GBP5: variants seen among roughly 807,000 people sequenced by gnomAD.
GBP5 encodes the protein guanylate-binding protein 5.
GBP5 carries 48 observed loss-of-function variants against 58.2 expected under a neutral mutation model. That is an observed-to-expected ratio of 0.83 (90% CI 0.65 to 1.05). The LOEUF (loss-of-function observed/expected upper bound fraction) is 1.05, where lower values mean the gene tolerates loss of function less well. GBP5 is among the 50% of genes least tolerant of loss of function. GBP5 has a pLI of 0.00. For missense variants in GBP5, 714 were observed against 686.8 expected (o/e 1.04, Z -0.44); for synonymous variants, 248 against 251.8 (o/e 0.98, Z 0.14).
chr1:89,268,707 A>G (rs750686565), intron 4 of GBP5, 22 bp downstream of exon 4: 4 of 1,607,156 alleles, frequency 2.5e-6, no homozygotes, highest in Non-Finnish European at 3.4e-6. Context: ...TTAGGAGGTT[A>G]AAAAAAGGAA....
Position 89,257,578 on chromosome 1 carries a change from G to T in GBP5, c.*3126C>A, listed in dbSNP as rs936132942. 5.3e-5 allele frequency among the ~76,000 whole-genome samples: 8 copies of T among 152,122 alleles called. No individual in the cohort carries two copies. The highest frequency in any genetic ancestry group is 1.2e-4 in the Non-Finnish European group (8 of 68,012). On this transcript the variant is annotated 3_prime_UTR_variant, in exon 12 of 12. Coordinates refer to ENST00000370459, the MANE Select transcript of GBP5 (RefSeq NM_052942.5). ...CTTTAACAATAATAACTTTAATAATGATAACACTAACATACATTGATAATA... is the reference window on the plus strand; with the variant it reads ...CTTTAACAATAATAACTTTAATAATTATAACACTAACATACATTGATAATA...
At chr1:89,266,906 T>C (rs762128104) in intron 6 of GBP5, 51 bp downstream of exon 6, 1 of 1,322,242 alleles carries the variant, frequency 7.6e-7, no homozygotes, top group Non-Finnish European at 1.0e-6. Flanking sequence ...AAAGAGATAA[T>C]TTCTTAGATT....
intron 9 of GBP5, 148 bp downstream of exon 9, chr1:89,263,588 C>A: frequency 1.7e-6 from 1 of 587,586 alleles, no homozygotes; most frequent in Non-Finnish European, 3.0e-6. Context: ...ATTGTTTTTC[C>A]ATAAATGCTT....
Position 89,257,406 on chromosome 1 carries a change from A to C in GBP5, c.*3298T>G. Among the ~76,000 whole-genome samples the C allele has an allele frequency of 6.6e-6, 1 of 152,290 alleles. No individual in the cohort carries two copies. The highest frequency in any genetic ancestry group is 2.4e-5 in the African/African-American group (1 of 41,554). On this transcript the variant is annotated 3_prime_UTR_variant, in exon 12 of 12. Transcript: ENST00000370459. Reference sequence around the variant, plus strand: ...TCCCACAACACGTGGGCATTATGGGAGCCATAATTCAAGATGAGATTTGAG... The same window carrying C: ...TCCCACAACACGTGGGCATTATGGGCGCCATAATTCAAGATGAGATTTGAG...
rs993956336 is a variant in GBP5, at chr1:89,270,829, T to C, written c.-94A>G. On this transcript the variant is annotated 5_prime_UTR_variant, in exon 2 of 12. Transcript: ENST00000370459. ...GAATAATTTTTCCACTAGAAAGATA[T>C]GGGCACCTTGAAGTGATGATCTACA... is the stretch of plus-strand genomic sequence containing the variant. The C allele has an allele frequency of 8.5e-5, 13 of 152,338 alleles. No individual in the cohort carries two copies. The highest frequency in any genetic ancestry group is 1.2e-4 in the Non-Finnish European group (8 of 68,032). The allele number at this position is 152,338 out of a possible 1,614,324, so 9.4% of individuals were successfully genotyped here.
At position 89,266,574 on chromosome 1, in the gene GBP5, C is replaced by T. The variant is rs746947192; in HGVS notation, c.640G>A (p.Val214Ile). 17 of 1,612,162 alleles carry T rather than the reference C, an allele frequency of 1.1e-5. No individual in the cohort carries two copies. Among genetic ancestry groups the T allele is most frequent in the Admixed American group, 1.0e-4 (6 of 59,886 alleles). ...LRPKQGSDQR[V>I]QNFNLPRLCI... Reference sequence around the variant, plus strand: ...AGACGGGGCAAATTGAAATTTTGAACTCTTTGATCACTACCTGGAGAATAA... The same window carrying T: ...AGACGGGGCAAATTGAAATTTTGAATTCTTTGATCACTACCTGGAGAATAA... Residue 214 changes from valine to isoleucine, a missense_variant, in exon 7 of 12, where the codon GTT (valine) becomes ATT (isoleucine). Coordinates refer to ENST00000370459, the MANE Select transcript of GBP5 (RefSeq NM_052942.5).
Position 89,266,957 on chromosome 1 carries a change from C to T in GBP5, c.625G>A (p.Gly209Ser). 6.3e-7 allele frequency: 1 copy of T among 1,585,730 alleles called. No individual in the cohort carries two copies. Among genetic ancestry groups the T allele is most frequent in the Admixed American group, 1.9e-5 (1 of 52,248 alleles). The change falls in exon 6 of 12, where the codon GGT becomes AGT. Residue 209 changes from glycine (G) to serine (S), a missense_variant and splice_region_variant. Physicochemically the swap from Gly to Ser is moderately conservative, Grantham distance 56 (BLOSUM62 0). Transcript: ENST00000370459. ...YLENSLRPKQ[G>S]SDQRVQNFNL... ...TTTCTAAAACTGAAGTCCCTGTTAC[C>T]TTGCTTTGGCCTTAGGGAATTCTCC...
intron 11 of GBP5, among the ~76,000 whole-genome samples, chr1:89,261,076 C>T (rs920253103): frequency 7.2e-5 from 11 of 152,294 alleles, no homozygotes; most frequent in African/African-American, 2.6e-4. Context: ...TTAAACCACA[C>T]GATCTCCTTG....
At position 89,264,113 on chromosome 1, in the gene GBP5, A is replaced by T. The variant is rs373967958; in HGVS notation, c.1150-165T>A. Reference sequence around the variant, plus strand: ...AACCTGGAAAAATTCCAAGGATGATACTCTATAGAAAAATGACATTTACTT... The same window carrying T: ...AACCTGGAAAAATTCCAAGGATGATTCTCTATAGAAAAATGACATTTACTT... On this transcript the variant is annotated intron_variant, in intron 8 of 11. Transcript: ENST00000370459. Among the ~76,000 whole-genome samples, 201 of 152,170 alleles carry T rather than the reference A, an allele frequency of 1.3e-3. 1 individual carries two copies. Among genetic ancestry groups the T allele is most frequent in the African/African-American group, 4.7e-3 (197 of 41,492 alleles).
chr1:89,262,713 C>G lies in GBP5; in HGVS notation c.1435G>C (p.Ala479Pro), dbSNP rs1650057072. ...VSHAILQTDQ[A>P]LTETEKKKKE... is the part of the protein sequence containing the mutation. The stretch of plus-strand genomic sequence containing the variant: ...TTCTTTTTTTCCGTCTCTGTGAGAG[C>G]CTGGTCAGTCTGTAATATTGCATGA... Residue 479 changes from alanine (A) to proline (P), a missense_variant, in exon 10 of 12, where the codon GCT becomes CCT. Transcript: ENST00000370459. 2 of 1,607,908 alleles carry G rather than the reference C, an allele frequency of 1.2e-6. No homozygotes were observed. Among genetic ancestry groups the G allele is most frequent in the Non-Finnish European group, 1.7e-6 (2 of 1,176,472 alleles).
intron 11 of GBP5, chr1:89,261,930 C>T (rs1247432987): frequency 1.6e-5 from 6 of 379,432 alleles, no homozygotes; most frequent in South Asian, 1.5e-4. Flanking sequence ...TACTCTGTAT[C>T]GGGCACCATT....
chr1:89,263,639 C>T, intron 9 of GBP5, 97 bp downstream of exon 9: 2 of 763,522 alleles, frequency 2.6e-6, no homozygotes, highest in Non-Finnish European at 4.6e-6. Flanking sequence ...ACATAAACCT[C>T]ATCTGTGTGC....
intron 7 of GBP5, among the ~76,000 whole-genome samples, chr1:89,265,613 A>G (rs1005409751): frequency 5.3e-5 from 8 of 151,178 alleles, no homozygotes; most frequent in African/African-American, 1.9e-4. Flanking sequence ...CTGTAGTCCC[A>G]GCTACTCAGG....
At chr1:89,264,650 A>G in intron 8 of GBP5, 36 bp downstream of exon 8, 2 of 1,593,040 alleles carry the variant, frequency 1.3e-6, no homozygotes, top group East Asian at 4.5e-5. Flanking sequence ...TGCCTTCTTG[A>G]CCTTAATCCC....
chr1:89,266,618 CA>C (rs1305616676), intron 6 of GBP5, 30 bp from the exon 7 acceptor site: 1 of 1,582,252 alleles, frequency 6.3e-7, no homozygotes, highest in Non-Finnish European at 8.6e-7. Flanking sequence ...ATTTATTTAG[CA>C]TAGACTTTGC....
Position 89,264,053 on chromosome 1 carries a change from A to C in GBP5, c.1150-105T>G, listed in dbSNP as rs1650116570. The C allele has an allele frequency of 1.7e-5, 12 of 723,890 alleles. No homozygotes were observed. In the East Asian group the frequency reaches 3.1e-4, roughly 19 times the overall value. 44.8% of individuals were successfully genotyped at this position (723,890 alleles called of 1,614,324 possible). On this transcript the variant is annotated intron_variant, in intron 8 of 11. Transcript: ENST00000370459. ...TATTTTTTTCTACAAACTTAGAGCA[A>C]GACACATATAAGCAAGACTATATCC...
rs1650240120 is a variant in GBP5, at chr1:89,266,856, T to C, written c.625+101A>G. 5 of 699,974 alleles carry C rather than the reference T, an allele frequency of 7.1e-6. No homozygotes were observed. The East Asian group carries it at 1.3e-4, about 18-fold the overall frequency. 43.4% of individuals were successfully genotyped at this position (699,974 alleles called of 1,614,324 possible). ...ATTTTTTAGGAGAGCTGGGTGAATA[T>C]ATATATATATAGAAAACCATAAATT... On this transcript the variant is annotated intron_variant, in intron 6 of 11. Transcript: ENST00000370459.
rs1009486212 is a variant in GBP5 at position 89,262,840 on chromosome 1, G to T, written c.1363-55C>A. 6.7e-6 allele frequency: 7 copies of T among 1,041,440 alleles called. No individual in the cohort carries two copies. The African/African-American group carries it at 1.1e-4, about 17-fold the overall frequency. 64.5% of individuals were successfully genotyped at this position (1,041,440 alleles called of 1,614,324 possible). On this transcript the variant is annotated intron_variant, in intron 9 of 11. Coordinates refer to ENST00000370459, the MANE Select transcript of GBP5 (RefSeq NM_052942.5). ...GCAGGAAATGGTGATTAGGAATGTTGTAAACATCTTTGTCTTGTTCCTTCC... is the reference window on the plus strand; with the variant it reads ...GCAGGAAATGGTGATTAGGAATGTTTTAAACATCTTTGTCTTGTTCCTTCC...
chr1:89,260,732 T>C lies in GBP5; in HGVS notation c.1733A>G (p.Asn578Ser). The C allele has an allele frequency of 1.2e-6, 2 of 1,613,744 alleles. No homozygotes were observed. The highest frequency in any genetic ancestry group is 1.7e-6 in the Non-Finnish European group (2 of 1,179,636). Reference protein sequence around the residue: ...SELQHAQRTVNNDDPCVLL With the variant: ...SELQHAQRTVSNDDPCVLL ...GAGTAAAACACATGGATCATCGTTA[T>C]TAACAGTCCTCTGGGCGTGCTGGAG... The change falls in exon 12 of 12, where the codon AAT (asparagine) becomes AGT (serine). Residue 578 changes from asparagine (N) to serine (S), a missense_variant. Physicochemically the swap from Asn to Ser is conservative, Grantham distance 46 (BLOSUM62 1). Coordinates refer to ENST00000370459, the MANE Select transcript of GBP5 (RefSeq NM_052942.5).
Sources: gnomAD v4.1 joint callset for allele counts (sites outside exome capture counted in the v4.1 genomes callset) on GRCh38, gnomAD v4.1.1 for gene constraint, MANE v1.5 for transcripts, NCBI Gene and HGNC (gene_info 2026-07-23, HGNC 2026-07-21) for gene names.